ZFHX3: variants seen among roughly 807,000 people sequenced by gnomAD.
ZFHX3 encodes the protein zinc finger homeobox 3.
Under a neutral mutation model 279.1 loss-of-function variants are expected in ZFHX3, and 42 were observed. That is an observed-to-expected ratio of 0.15 (90% CI 0.12 to 0.19). The LOEUF (loss-of-function observed/expected upper bound fraction) is 0.19, where lower values mean the gene tolerates loss of function less well. Among genes scored for constraint, ZFHX3 ranks in the 10% least tolerant of loss-of-function variants. The pLI is 1.00. For missense variants in ZFHX3, 4,981 were observed against 4,754.0 expected, an observed-to-expected ratio of 1.05 and a Z score of -1.40; for synonymous variants, 2,293 against 1,957.8, an observed-to-expected ratio of 1.17 and a Z score of -4.52.
At position 73,303,240 on chromosome 16, in the gene ZFHX3, C is replaced by T. The variant is rs747654448; in HGVS notation, c.-1194+15000G>A. ...ATGGGGTCTTGCTGTGTTGCCCAGGCTGGTCTTGAACTCCTAGCTCCAAGC... is the reference window on the plus strand; with the variant it reads ...ATGGGGTCTTGCTGTGTTGCCCAGGTTGGTCTTGAACTCCTAGCTCCAAGC... On this transcript the variant is annotated intron_variant, in intron 4 of 17. Coordinates refer to the ZFHX3 transcript ENST00000641206. Among the ~76,000 whole-genome samples the T allele has an allele frequency of 1.1e-3, 165 of 152,080 alleles. 1 individual carries two copies. Among genetic ancestry groups the T allele is most frequent in the Non-Finnish European group, 2.8e-4 (19 of 68,010 alleles).
upstream of ZFHX3, among the ~76,000 whole-genome samples, chr16:73,050,476 A>G (rs1187462536): frequency 6.6e-6 from 1 of 152,218 alleles, no homozygotes; most frequent in African/African-American, 2.4e-5. Flanking sequence ...CAGGTGATCT[A>G]TGGCCTCTGT....
intron 2 of ZFHX3, among the ~76,000 whole-genome samples, chr16:73,618,409 T>C (rs899871831): frequency 1.3e-5 from 2 of 152,218 alleles, no homozygotes; most frequent in African/African-American, 2.4e-5. Flanking sequence ...TTTAATGTAA[T>C]TTTTAAATAA....
intron 5 of ZFHX3, among the ~76,000 whole-genome samples, chr16:73,147,181 A>G (rs1211332340): frequency 6.6e-6 from 1 of 152,200 alleles, no homozygotes; most frequent in Admixed American, 6.5e-5. Context: ...GACTCGAGGT[A>G]CTACTTCTAC....
At chr16:73,406,570 T>C (rs1031586202) in intron 3 of ZFHX3, among the ~76,000 whole-genome samples, 3 of 152,224 alleles carry the variant, frequency 2.0e-5, no homozygotes, top group Non-Finnish European at 4.4e-5. Context: ...TGGAATGCTA[T>C]AAATTCTGTT....
intron 1 of ZFHX3, among the ~76,000 whole-genome samples, chr16:73,791,381 C>T (rs1410353535): frequency 1.3e-5 from 2 of 152,080 alleles, no homozygotes; most frequent in African/African-American, 4.8e-5. Flanking sequence ...ATTCAGTAAG[C>T]CTGACCCGGG....
chr16:72,874,016 C>G (rs1457162879), intron 4 of ZFHX3, among the ~76,000 whole-genome samples: 1 of 152,106 alleles, frequency 6.6e-6, no homozygotes. Context: ...TACCCTCAGC[C>G]AAAACCTGTT....
At chr16:73,137,428 C>T (rs1313495124) in intron 6 of ZFHX3, 1 of 152,172 alleles carries the variant, frequency 6.6e-6, no homozygotes, top group South Asian at 2.1e-4. Flanking sequence ...CTCATGCCAG[C>T]ATTCAGCTAG....
intron 5 of ZFHX3, chr16:73,232,188 A>C (rs2012796760): frequency 6.6e-6 from 1 of 152,058 alleles, no homozygotes; most frequent in Non-Finnish European, 1.5e-5. Context: ...CTGGGATCCA[A>C]ATGCGGTTCT....
intron 1 of ZFHX3, among the ~76,000 whole-genome samples, chr16:73,850,360 A>G (rs776123501): frequency 1.3e-5 from 2 of 152,170 alleles, no homozygotes; most frequent in African/African-American, 4.8e-5. Flanking sequence ...TACTTAATAC[A>G]ATGGTCATTA....
At chr16:73,447,879 A>C (rs1368533191) in intron 3 of ZFHX3, among the ~76,000 whole-genome samples, 1 of 152,200 alleles carries the variant, frequency 6.6e-6, no homozygotes, top group Non-Finnish European at 1.5e-5. Context: ...GCTTTGCTGA[A>C]AACAACTTCA....
chr16:73,096,569 ATT>A (rs34575437), intron 7 of ZFHX3, among the ~76,000 whole-genome samples: 7 of 140,260 alleles, frequency 5.0e-5, no homozygotes, highest in African/African-American at 7.9e-5. Flanking sequence ...AGCCCAGCTA[ATT>A]TTTTTTTTTT....
intron 4 of ZFHX3, among the ~76,000 whole-genome samples, chr16:72,838,416 G>A (rs2037255584): frequency 6.6e-6 from 1 of 152,194 alleles, no homozygotes; most frequent in Non-Finnish European, 1.5e-5. Context: ...AAGCCTGGGG[G>A]AGCCTCTCCA....
chr16:73,115,754 T>C (rs1405114629), intron 7 of ZFHX3, among the ~76,000 whole-genome samples: 1 of 152,164 alleles, frequency 6.6e-6, no homozygotes, highest in African/African-American at 2.4e-5. Context: ...TGAAGCTTAG[T>C]GAGATAACTT....
At chr16:73,791,388 C>T (rs780636654) in intron 1 of ZFHX3, among the ~76,000 whole-genome samples, 19 of 152,062 alleles carry the variant, frequency 1.2e-4, no homozygotes, top group Non-Finnish European at 2.2e-4. Context: ...AAGCCTGACC[C>T]GGGCCCAGAA....
At chr16:73,649,907 C>G (rs977106682) in intron 2 of ZFHX3, among the ~76,000 whole-genome samples, 1 of 152,102 alleles carries the variant, frequency 6.6e-6, no homozygotes, top group Non-Finnish European at 1.5e-5. Flanking sequence ...TGCATTTGAT[C>G]GAAGCACTGG....
intron 1 of ZFHX3, among the ~76,000 whole-genome samples, chr16:73,753,647 C>G (rs1224765804): frequency 6.6e-6 from 1 of 152,228 alleles, no homozygotes; most frequent in Non-Finnish European, 1.5e-5. Flanking sequence ...TGCTGTCTGA[C>G]ACCACCAGCT....
intron 3 of ZFHX3, among the ~76,000 whole-genome samples, chr16:73,363,402 T>C (rs1430927216): frequency 5.3e-5 from 8 of 152,234 alleles, no homozygotes; most frequent in Admixed American, 3.3e-4. Context: ...ATTTCAATAC[T>C]GCGATCTATG....
intron 5 of ZFHX3, among the ~76,000 whole-genome samples, chr16:73,227,167 A>C (rs1397743465): frequency 6.6e-6 from 1 of 152,188 alleles, no homozygotes; most frequent in African/African-American, 2.4e-5. Context: ...ATTGGAGTTA[A>C]ATGACAAAAA....
intron 3 of ZFHX3, among the ~76,000 whole-genome samples, chr16:72,895,443 C>T (rs1008486574): frequency 1.4e-4 from 21 of 152,220 alleles, no homozygotes; most frequent in Non-Finnish European, 4.4e-5. Flanking sequence ...CCCAAACTCA[C>T]TTGGTTGGGC....
Sources: gnomAD v4.1 joint callset for allele counts (sites outside exome capture counted in the v4.1 genomes callset) on GRCh38, gnomAD v4.1.1 for gene constraint, MANE v1.5 for transcripts, NCBI Gene and HGNC (gene_info 2026-07-23, HGNC 2026-07-21) for gene names.